ERICH6B: variants seen among roughly 807,000 people sequenced by gnomAD.
The protein encoded by ERICH6B is glutamate rich 6B, also known as glutamate-rich protein 6B.
In ERICH6B, 69 loss-of-function variants were observed where a neutral mutation model predicts 80.0. The ratio of observed to expected loss-of-function variants is 0.86; its 90% CI spans 0.71 to 1.05. ERICH6B has a LOEUF of 1.05. ERICH6B is among the 50% of genes least tolerant of loss of function. The pLI is 0.00. For synonymous variants in ERICH6B, 283 were observed against 291.9 expected, an observed-to-expected ratio of 0.97 and a Z score of 0.31; for missense variants, 754 against 796.1, an observed-to-expected ratio of 0.95 and a Z score of 0.64.
chr13:45,589,244 G>A (rs1051955653), intron 4 of ERICH6B, among the ~76,000 whole-genome samples: 28 of 152,084 alleles, frequency 1.8e-4, no homozygotes, highest in Non-Finnish European at 7.4e-5. Flanking sequence ...GCCTGGTGTG[G>A]ACACCAGGAA....
chr13:45,596,644 T>C lies in ERICH6B; in HGVS notation c.362A>G (p.Tyr121Cys), dbSNP rs1444887563. The C allele has an allele frequency of 1.3e-6, 2 of 1,550,614 alleles. No homozygotes were observed. Among genetic ancestry groups the C allele is most frequent in the Admixed American group, 2.0e-5 (1 of 50,926 alleles). Residue 121 changes from tyrosine to cysteine, a missense_variant, in exon 3 of 15, where the codon TAT becomes TGT. By Grantham distance (194) the Tyr-to-Cys change is radical. Transcript: ENST00000298738. ...CCCCAGGTACTCTTCCTCCTCCAGA[T>C]ACCCTTCCTTCCCCAGATACTCTTC... ...EEEEYLGKEG[Y>C]LEEEEYLGKE...
At chr13:45,557,880 G>C (rs1418149500) in intron 11 of ERICH6B, among the ~76,000 whole-genome samples, 1 of 151,600 alleles carries the variant, frequency 6.6e-6, no homozygotes, top group African/African-American at 2.4e-5. Context: ...CTCCAGATTT[G>C]TTCTTTTTGC....
intron 2 of ERICH6B, among the ~76,000 whole-genome samples, chr13:45,598,432 C>T (rs910318358): frequency 5.9e-5 from 9 of 152,134 alleles, no homozygotes. Context: ...ACTGAAGAGG[C>T]AACCGGACCA....
chr13:45,596,525 T>G lies in ERICH6B; in HGVS notation c.481A>C (p.Lys161Gln). 1 of 1,551,344 alleles carries G rather than the reference T, an allele frequency of 6.4e-7. No individual in the cohort carries two copies. Among genetic ancestry groups the G allele is most frequent in the Non-Finnish European group, 8.7e-7 (1 of 1,146,836 alleles). Reference sequence around the variant, plus strand: ...TACTCCTCCTCCTCCAGATACGCTTTCTTCCCCAGATAATCTACCTCCTCA... The same window carrying G: ...TACTCCTCCTCCTCCAGATACGCTTGCTTCCCCAGATAATCTACCTCCTCA... The part of the protein sequence containing the change: ...YIEEVDYLGK[K>Q]AYLEEEEYLG... Residue 161 changes from lysine to glutamine, a missense_variant, in exon 3 of 15, where the codon AAA (lysine) becomes CAA (glutamine). Transcript: ENST00000298738.
chr13:45,596,318 C>A (rs893854372), intron 3 of ERICH6B, 51 bp downstream of exon 3: 2 of 1,500,542 alleles, frequency 1.3e-6, no homozygotes, highest in Admixed American at 2.3e-5. Flanking sequence ...CCTTCTTTCC[C>A]TTTCAGATAC....
chr13:45,606,510 T>TATATATATATATATAC (rs1949862005), intron 2 of ERICH6B, among the ~76,000 whole-genome samples: 1 of 21,956 alleles, frequency 4.6e-5, no homozygotes, highest in African/African-American at 2.8e-4. Context: ...TATGTGTATA[T>TATATATATATATATAC]ATATATATAT....
At chr13:45,554,001 A>G (rs911422673) in intron 11 of ERICH6B, among the ~76,000 whole-genome samples, 1 of 152,176 alleles carries the variant, frequency 6.6e-6, no homozygotes, top group Non-Finnish European at 1.5e-5. Flanking sequence ...AGCAATTTTC[A>G]GGTATGCAAT....
chr13:45,570,492 C>T (rs78993400), intron 8 of ERICH6B, among the ~76,000 whole-genome samples: 1,896 of 152,292 alleles, frequency 0.012, 38 homozygotes, highest in African/African-American at 0.042. Flanking sequence ...GTCAAGTTGT[C>T]AGAATAACTG....
intron 13 of ERICH6B, among the ~76,000 whole-genome samples, chr13:45,546,848 G>A (rs985740215): frequency 6.6e-6 from 1 of 152,216 alleles, no homozygotes; most frequent in Admixed American, 6.5e-5. Context: ...CTCACCTCCA[G>A]TGGGGAGGAC....
Position 45,561,431 on chromosome 13 carries a change from G to C in ERICH6B, c.1345C>G (p.Arg449Gly). 6.4e-7 allele frequency: 1 copy of C among 1,552,230 alleles called. No homozygotes were observed. The highest frequency in any genetic ancestry group is 8.7e-7 in the Non-Finnish European group (1 of 1,147,126). Residue 449 changes from arginine to glycine, a missense_variant, in exon 11 of 15, where the codon CGT becomes GGT. Coordinates refer to ENST00000298738, the MANE Select transcript of ERICH6B (RefSeq NM_182542.3). Reference protein sequence around the residue: ...PETEEIQKPQRVVHHRKKLER... With the variant: ...PETEEIQKPQGVVHHRKKLER... ...AATTTCTTCCTATGATGAACAACACGTTGAGGCTTTTGGATTTCTTCTGTC... is the reference window on the plus strand; with the variant it reads ...AATTTCTTCCTATGATGAACAACACCTTGAGGCTTTTGGATTTCTTCTGTC...
chr13:45,560,520 C>G (rs968975435), intron 11 of ERICH6B, among the ~76,000 whole-genome samples: 1 of 152,208 alleles, frequency 6.6e-6, no homozygotes. Context: ...GTTGCACATT[C>G]TGTGGATTTG....
Position 45,550,000 on chromosome 13 carries a change from C to A in ERICH6B, c.1539G>T (p.Met513Ile). ...NLAMLILYAK[M>I]KKFTYIILED... ...CCAGAATGATGTATGTGAACTTTTTCATTTTCGCATATAAGATGAGCATAG... is the reference window on the plus strand; with the variant it reads ...CCAGAATGATGTATGTGAACTTTTTAATTTTCGCATATAAGATGAGCATAG... The change falls in exon 13 of 15, where the codon ATG becomes ATT. Residue 513 changes from methionine (M) to isoleucine (I), a missense_variant. By Grantham distance (10) the Met-to-Ile change is conservative. Coordinates refer to ENST00000298738, the MANE Select transcript of ERICH6B (RefSeq NM_182542.3). 1 of 1,551,918 alleles carries A rather than the reference C, an allele frequency of 6.4e-7. No homozygotes were observed. Among genetic ancestry groups the A allele is most frequent in the South Asian group, 1.2e-5 (1 of 84,042 alleles).
rs752225960 is a variant in ERICH6B, at chr13:45,574,816, G to GC, written c.1050+25_1050+26insG. On this transcript the variant is annotated intron_variant, in intron 8 of 14. Coordinates refer to ENST00000298738, the MANE Select transcript of ERICH6B (RefSeq NM_182542.3). ...CTACATTTGGAGGAAGCTGGGGGGG[G>GC]GGTCTCAAGTTTTTATCCAACTTAC... is the stretch of plus-strand genomic sequence containing the variant. The GC allele has an allele frequency of 2.6e-6, 4 of 1,510,508 alleles. No homozygotes were observed. The African/African-American group carries it at 5.6e-5, about 21-fold the overall frequency. 93.6% of individuals were successfully genotyped at this position (1,510,508 alleles called of 1,614,324 possible). A position where few individuals can be genotyped will look rare whatever the true frequency, so the allele number is the denominator to read the frequency against.
At chr13:45,548,760 C>A (rs1874090799) in intron 13 of ERICH6B, among the ~76,000 whole-genome samples, 1 of 152,188 alleles carries the variant, frequency 6.6e-6, no homozygotes, top group Non-Finnish European at 1.5e-5. Flanking sequence ...TTTGTGCTTT[C>A]TGTACCCAAG....
chr13:45,563,186 T>G (rs1874763321), intron 10 of ERICH6B, among the ~76,000 whole-genome samples: 1 of 152,134 alleles, frequency 6.6e-6, no homozygotes, highest in Admixed American at 6.5e-5. Flanking sequence ...GTTTTCCAAT[T>G]TTTGCATTAA....
At chr13:45,570,281 T>C (rs3014920) in intron 8 of ERICH6B, among the ~76,000 whole-genome samples, 77,054 of 151,942 alleles carry the variant, frequency 0.51, 19,935 homozygotes, top group East Asian at 0.75. Context: ...GCAAGGTTTG[T>C]GATGCATAAG....
rs148913517 is a variant in ERICH6B at position 45,564,245 on chromosome 13, A to T, written c.1188-457T>A. The stretch of plus-strand genomic sequence containing the variant: ...ATAGCCTTACTCAAAAGGACTTATC[A>T]TGAAAGCCACACGAGTCACAGCTCT... On this transcript the variant is annotated intron_variant, in intron 9 of 14. Transcript: ENST00000298738. Among the ~76,000 whole-genome samples, 600 of 152,344 alleles carry T rather than the reference A, an allele frequency of 3.9e-3. 3 individuals are homozygous for T. The highest frequency in any genetic ancestry group is 7.0e-3 in the Non-Finnish European group (476 of 68,034).
chr13:45,587,567 T>G (rs1236670392), intron 4 of ERICH6B, among the ~76,000 whole-genome samples: 1 of 152,202 alleles, frequency 6.6e-6, no homozygotes, highest in Non-Finnish European at 1.5e-5. Context: ...CTAGTGCCTT[T>G]CCCTACCTCA....
chr13:45,556,390 T>C (rs1874438207), intron 11 of ERICH6B, among the ~76,000 whole-genome samples: 1 of 152,146 alleles, frequency 6.6e-6, no homozygotes, highest in Non-Finnish European at 1.5e-5. Flanking sequence ...ATTAGCTCAC[T>C]CTCAATTACT....
Sources: gnomAD v4.1 joint callset for allele counts (sites outside exome capture counted in the v4.1 genomes callset) on GRCh38, gnomAD v4.1.1 for gene constraint, MANE v1.5 for transcripts, NCBI Gene and HGNC (gene_info 2026-07-23, HGNC 2026-07-21) for gene names.